HDGFL2: variants seen among roughly 807,000 people sequenced by gnomAD.
HDGFL2 encodes the protein HDGF like 2.
HDGFL2 carries 36 observed loss-of-function variants against 77.1 expected under a neutral mutation model. That is an observed-to-expected ratio of 0.47 (90% CI 0.36 to 0.62). HDGFL2 has a LOEUF of 0.62. HDGFL2 is among the 20% of genes least tolerant of loss of function. HDGFL2 has a pLI of 0.00. For synonymous variants in HDGFL2, 463 were observed against 413.1 expected (o/e 1.12, Z -1.46); for missense variants, 976 against 973.4 (o/e 1.00, Z -0.04).
rs1225532798 is a variant in HDGFL2, at chr19:4,475,657, C to T, written c.288+74C>T. The T allele has an allele frequency of 3.4e-6, 5 of 1,489,770 alleles. No individual in the cohort carries two copies. In the East Asian group the frequency reaches 9.2e-5, roughly 27 times the overall value. The allele number at this position is 1,489,770 out of a possible 1,614,324, so 92.3% of individuals were successfully genotyped here. A position where few individuals can be genotyped will look rare whatever the true frequency, so the allele number is the denominator to read the frequency against. On this transcript the variant is annotated intron_variant, in intron 3 of 15. Transcript: ENST00000616600. Reference sequence around the variant, plus strand: ...GAAGGGGCCTCCAGTTAGGGTCTCTCCCCTGGGCACTGTGGACACATGGGG... The same window carrying T: ...GAAGGGGCCTCCAGTTAGGGTCTCTTCCCTGGGCACTGTGGACACATGGGG...
chr19:4,501,138 G>A (rs933630042), intron 14 of HDGFL2, 53 bp from the exon 15 acceptor site: 2 of 1,608,492 alleles, frequency 1.2e-6, no homozygotes, highest in Non-Finnish European at 1.7e-6. Context: ...CAAGGGTTCT[G>A]GGGTGCCCAG....
chr19:4,498,511 A>G, intron 12 of HDGFL2, 135 bp downstream of exon 12: 1 of 726,612 alleles, frequency 1.4e-6, no homozygotes, highest in Non-Finnish European at 2.4e-6. Context: ...TCCGGTTGCT[A>G]GTGAGCGCAT....
At chr19:4,493,632 C>T (rs1345726497) in intron 6 of HDGFL2, 71 bp from the exon 7 acceptor site, 17 of 1,354,196 alleles carry the variant, frequency 1.3e-5, no homozygotes, top group East Asian at 5.9e-5. Context: ...CGGGAGCCTC[C>T]TCTGGCCTGG....
intron 3 of HDGFL2, among the ~76,000 whole-genome samples, chr19:4,488,008 T>C (rs970849607): frequency 6.6e-6 from 1 of 152,130 alleles, no homozygotes; most frequent in Non-Finnish European, 1.5e-5. Context: ...TCTCACTCTG[T>C]TGCCCAGGCT....
At position 4,475,778 on chromosome 19, in the gene HDGFL2, C is replaced by T. The variant is rs114703371; in HGVS notation, c.288+195C>T. Among the ~76,000 whole-genome samples the T allele has an allele frequency of 3.3e-3, 500 of 152,314 alleles. 3 individuals are homozygous for T. Among genetic ancestry groups the T allele is most frequent in the African/African-American group, 0.011 (474 of 41,568 alleles). The stretch of plus-strand genomic sequence containing the variant: ...CTCAGTGCCAAGGCCACCCCCACCC[C>T]ATTCATGGTGATGACAGATGTCCCC... On this transcript the variant is annotated intron_variant, in intron 3 of 15. Coordinates refer to ENST00000616600, the MANE Select transcript of HDGFL2 (RefSeq NM_001001520.3).
chr19:4,494,382 C>T lies in HDGFL2; in HGVS notation c.1131C>T (p.Asp377=), dbSNP rs1410612541. The T allele has an allele frequency of 1.4e-6, 2 of 1,401,588 alleles. No homozygotes were observed. Among genetic ancestry groups the T allele is most frequent in the East Asian group, 3.0e-5 (1 of 33,674 alleles). 86.8% of individuals were successfully genotyped at this position (1,401,588 alleles called of 1,614,324 possible). The change falls in exon 9 of 16, where the codon GAC becomes GAT. Residue 377 remains aspartate (D), a synonymous_variant. Transcript: ENST00000616600. ...GCAGCGGGGACGAGCTCAGGGAGGA[C>T]GATGAGCCCGTCAAGAAGCGGGGAC... ...GGSSGDELRE[D]DEPVKKRGRK... is the part of the protein sequence containing the mutation.
intron 15 of HDGFL2, 62 bp downstream of exon 15, chr19:4,501,379 G>A: frequency 6.6e-7 from 1 of 1,518,468 alleles, no homozygotes; most frequent in South Asian, 1.3e-5. Context: ...GCGCACCCTG[G>A]GTCCGAGCCG....
chr19:4,472,904 G>T (rs1411803974), intron 1 of HDGFL2, among the ~76,000 whole-genome samples: 1 of 151,724 alleles, frequency 6.6e-6, no homozygotes, highest in Non-Finnish European at 1.5e-5. Flanking sequence ...CGGGGTCTGG[G>T]GGCCCTGGGC....
intron 4 of HDGFL2, among the ~76,000 whole-genome samples, chr19:4,489,202 C>G (rs1186844022): frequency 6.6e-6 from 1 of 151,816 alleles, no homozygotes; most frequent in Non-Finnish European, 1.5e-5. Context: ...ATCTGCCTGC[C>G]TCGGTCTCTC....
At chr19:4,501,525 T>C (rs1975883665) in intron 15 of HDGFL2, 2 of 550,720 alleles carry the variant, frequency 3.6e-6, no homozygotes, top group Non-Finnish European at 6.1e-6. Context: ...GCTCCAGGGC[T>C]TTGAGCTGCC....
intron 13 of HDGFL2, 81 bp from the exon 14 acceptor site, chr19:4,499,410 G>T: frequency 3.2e-6 from 4 of 1,256,834 alleles, no homozygotes; most frequent in Non-Finnish European, 3.3e-6. Context: ...CGGGAGGGGC[G>T]CATTGCTGGG....
intron 1 of HDGFL2, among the ~76,000 whole-genome samples, chr19:4,473,945 T>G (rs971670211): frequency 1.3e-5 from 2 of 151,770 alleles, no homozygotes; most frequent in Admixed American, 1.3e-4. Flanking sequence ...GAGGGGACCT[T>G]GGATGCCCCT....
chr19:4,490,248 C>T (rs538739501), intron 4 of HDGFL2, among the ~76,000 whole-genome samples: 42 of 152,264 alleles, frequency 2.8e-4, no homozygotes, highest in Non-Finnish European at 3.1e-4. Context: ...CTACCACGTC[C>T]GGCTAATTTT....
chr19:4,492,582 T>C (rs1263429806), intron 6 of HDGFL2, among the ~76,000 whole-genome samples: 1 of 151,192 alleles, frequency 6.6e-6, no homozygotes, highest in Non-Finnish European at 1.5e-5. Context: ...TCCATGTGTA[T>C]GGTTTGTGGT....
At chr19:4,501,811 C>T (rs1174492041) in intron 15 of HDGFL2, 100 bp from the exon 16 acceptor site, 2 of 857,548 alleles carry the variant, frequency 2.3e-6, no homozygotes, top group African/African-American at 3.5e-5. Context: ...TCAGGTGCCA[C>T]AACGGGGGTA....
intron 9 of HDGFL2, among the ~76,000 whole-genome samples, chr19:4,494,779 G>T (rs144458382): frequency 9.9e-5 from 15 of 152,146 alleles, no homozygotes; most frequent in African/African-American, 9.7e-5. Flanking sequence ...TTAGCTGGGC[G>T]TGGTGGTGTG....
In HDGFL2 at chr19:4,488,190, C is replaced by T. The variant is rs149191603; in HGVS notation, c.289-486C>T. 1.1e-3 allele frequency among the ~76,000 whole-genome samples: 174 copies of T among 152,240 alleles called. 1 individual carries two copies. Among genetic ancestry groups the T allele is most frequent in the Non-Finnish European group, 2.1e-3 (144 of 68,006 alleles). ...TTTGCCATGTTGGCCAGGTTGGTCT[C>T]GAACACCTGACCTCAGGTGATCTGC... is the stretch of plus-strand genomic sequence containing the variant. On this transcript the variant is annotated intron_variant, in intron 3 of 15. Coordinates refer to ENST00000616600, the MANE Select transcript of HDGFL2 (RefSeq NM_001001520.3).
At chr19:4,475,627 T>G (rs375876738) in intron 3 of HDGFL2, 44 bp downstream of exon 3, 2 of 1,531,316 alleles carry the variant, frequency 1.3e-6, no homozygotes, top group Non-Finnish European at 1.7e-6. Context: ...GCGCTACTGA[T>G]GCAAGAAGGG....
At position 4,498,313 on chromosome 19, in the gene HDGFL2, C is replaced by T. The variant is rs377281236; in HGVS notation, c.1410C>T (p.Ser470=). ...CTCTCTCTCCTGGCCCAGAGCCCTC[C>T]GTGGAGGAGAAGCTGCAGAAGCTGC... The part of the protein sequence containing the change: ...DRKVEKKKEP[S]VEEKLQKLHS... Residue 470 remains serine, a synonymous_variant, in exon 12 of 16, where the codon TCC becomes TCT. Coordinates refer to ENST00000616600, the MANE Select transcript of HDGFL2 (RefSeq NM_001001520.3). 54 of 1,613,270 alleles carry T rather than the reference C, an allele frequency of 3.3e-5. 1 individual carries two copies. The highest frequency in any genetic ancestry group is 4.4e-5 in the South Asian group (4 of 91,070).
Sources: gnomAD v4.1 joint callset for allele counts (sites outside exome capture counted in the v4.1 genomes callset) on GRCh38, gnomAD v4.1.1 for gene constraint, MANE v1.5 for transcripts, NCBI Gene and HGNC (gene_info 2026-07-23, HGNC 2026-07-21) for gene names.